NWD2: variants seen among roughly 807,000 people sequenced by gnomAD.
The protein encoded by NWD2 is NACHT and WD repeat domain containing 2, also known as NACHT and WD repeat domain-containing protein 2.
Under a neutral mutation model 132.7 loss-of-function variants are expected in NWD2, and 37 were observed. That is an observed-to-expected ratio of 0.28 (90% CI 0.21 to 0.37). The LOEUF is 0.37. NWD2 is among the 10% of genes least tolerant of loss of function. The pLI is 1.00. For missense variants in NWD2, 1,592 were observed against 2,122.4 expected (o/e 0.75, Z 4.91); for synonymous variants, 705 against 803.0 (o/e 0.88, Z 2.06).
intron 1 of NWD2, among the ~76,000 whole-genome samples, chr4:37,282,613 G>A (rs1312604973): frequency 6.6e-6 from 1 of 152,138 alleles, no homozygotes; most frequent in Non-Finnish European, 1.5e-5. Flanking sequence ...GTATTTATTT[G>A]ATGGGTATTT....
At chr4:37,381,353 A>G (rs1419186887) in intron 3 of NWD2, among the ~76,000 whole-genome samples, 1 of 152,234 alleles carries the variant, frequency 6.6e-6, no homozygotes, top group Non-Finnish European at 1.5e-5. Flanking sequence ...TCCTCCAAAT[A>G]GAAACACCTG....
chr4:37,251,672 T>C (rs1339834517), intron 1 of NWD2, among the ~76,000 whole-genome samples: 1 of 152,182 alleles, frequency 6.6e-6, no homozygotes, highest in Admixed American at 6.5e-5. Context: ...CTTATGCAGG[T>C]GCATCCCTTT....
intron 1 of NWD2, among the ~76,000 whole-genome samples, chr4:37,260,871 A>G (rs569608700): frequency 4.7e-4 from 72 of 152,354 alleles, no homozygotes; most frequent in African/African-American, 1.7e-3. Context: ...AGAATCCATT[A>G]TGTAGCCACA....
In NWD2 at chr4:37,448,522, G is replaced by C. The variant is rs939971640; in HGVS notation, c.*1305G>C. ...TAAAAGAAAACATTGCATCTCAAAAGGTGAAGATGATTGTTCTTTCTTCCA... is the reference window on the plus strand; with the variant it reads ...TAAAAGAAAACATTGCATCTCAAAACGTGAAGATGATTGTTCTTTCTTCCA... On this transcript the variant is annotated 3_prime_UTR_variant, in exon 7 of 7. Transcript: ENST00000309447. 6.6e-5 allele frequency: 10 copies of C among 152,126 alleles called. No individual in the cohort carries two copies. The highest frequency in any genetic ancestry group is 5.9e-4 in the Admixed American group (9 of 15,274). 9.4% of individuals were successfully genotyped at this position (152,126 alleles called of 1,614,324 possible). A position where few individuals can be genotyped will look rare whatever the true frequency, so the allele number is the denominator to read the frequency against.
At chr4:37,383,785 G>T (rs943021003) in intron 3 of NWD2, among the ~76,000 whole-genome samples, 1 of 152,126 alleles carries the variant, frequency 6.6e-6, no homozygotes, top group South Asian at 2.1e-4. Context: ...AACGTTTTTA[G>T]TAAGTTTGCA....
At chr4:37,274,503 C>T (rs1393207175) in intron 1 of NWD2, among the ~76,000 whole-genome samples, 3 of 152,260 alleles carry the variant, frequency 2.0e-5, no homozygotes, top group African/African-American at 7.2e-5. Context: ...ACCAGCGGTA[C>T]AAGAAGGAGC....
rs181257007 is a variant in NWD2 at position 37,412,840 on chromosome 4, A to G, written c.358-17732A>G. 7.9e-5 allele frequency among the ~76,000 whole-genome samples: 12 copies of G among 152,338 alleles called. No individual in the cohort carries two copies. In the East Asian group the frequency reaches 2.3e-3, roughly 29 times the overall value. ...GAAATAACACCACACATCTACAACC[A>G]TCTGATCTTTGACAATCCTGACACA... is the stretch of plus-strand genomic sequence containing the variant. On this transcript the variant is annotated intron_variant, in intron 3 of 6. Transcript: ENST00000309447.
intron 3 of NWD2, among the ~76,000 whole-genome samples, chr4:37,365,199 T>A (rs1720072408): frequency 6.6e-6 from 1 of 152,230 alleles, no homozygotes; most frequent in South Asian, 2.1e-4. Flanking sequence ...ATTTTTAAAA[T>A]CACTTAGCTT....
chr4:37,424,602 T>A (rs4464581), intron 3 of NWD2, among the ~76,000 whole-genome samples: 22,879 of 152,266 alleles, frequency 0.15, 2,192 homozygotes, highest in South Asian at 0.2. Context: ...TTAAAGAGTA[T>A]ATGCTTCAGC....
At chr4:37,250,912 C>G (rs146827513) in intron 1 of NWD2, among the ~76,000 whole-genome samples, 1 of 152,238 alleles carries the variant, frequency 6.6e-6, no homozygotes, top group Non-Finnish European at 1.5e-5. Flanking sequence ...TGTTATTGTA[C>G]TGAATACTGA....
At position 37,356,384 on chromosome 4, in the gene NWD2, G is replaced by A. The variant is rs2109300738; in HGVS notation, c.259G>A (p.Gly87Arg). 1 of 1,549,074 alleles carries A rather than the reference G, an allele frequency of 6.5e-7. No individual in the cohort carries two copies. The highest frequency in any genetic ancestry group is 2.0e-5 in the Admixed American group (1 of 50,998). The change falls in exon 3 of 7, where the codon GGA (glycine) becomes AGA (arginine). Residue 87 changes from glycine (G) to arginine (R), a missense_variant. Coordinates refer to ENST00000309447, the MANE Select transcript of NWD2 (RefSeq NM_001144990.2). ...TCCCCAGGTCATAGATCTGTACTGG[G>A]GAGTGGAAGAAGATGAGTGGGACAG... ...LEFQVIDLYWGVEEDEWDSPE... is the reference protein window; with the variant it reads ...LEFQVIDLYWRVEEDEWDSPE...
chr4:37,251,624 C>A (rs1717361807), intron 1 of NWD2, among the ~76,000 whole-genome samples: 1 of 152,186 alleles, frequency 6.6e-6, no homozygotes, highest in East Asian at 1.9e-4. Flanking sequence ...GCATGTTAGC[C>A]ACTATGACTC....
chr4:37,435,416 G>A (rs542344960), intron 5 of NWD2, among the ~76,000 whole-genome samples: 1 of 152,108 alleles, frequency 6.6e-6, no homozygotes, highest in African/African-American at 2.4e-5. Flanking sequence ...CTTATTTAAA[G>A]TCTTCCTGAA....
chr4:37,354,925 T>C (rs116203550), intron 2 of NWD2, among the ~76,000 whole-genome samples: 228 of 152,318 alleles, frequency 1.5e-3, no homozygotes, highest in African/African-American at 5.1e-3. Flanking sequence ...GCCTGTCCAT[T>C]ATTTAACAAA....
intron 1 of NWD2, among the ~76,000 whole-genome samples, chr4:37,293,483 T>G (rs1251952479): frequency 2.0e-5 from 3 of 152,210 alleles, no homozygotes; most frequent in Non-Finnish European, 4.4e-5. Context: ...TGGAAATTAT[T>G]TTATACCTAT....
intron 3 of NWD2, among the ~76,000 whole-genome samples, chr4:37,365,550 T>C (rs181738553): frequency 4.0e-4 from 61 of 152,306 alleles, no homozygotes; most frequent in Non-Finnish European, 7.2e-4. Flanking sequence ...GAGAAACAAA[T>C]ATTTCTTTAC....
chr4:37,397,720 G>A (rs565034682), intron 3 of NWD2, among the ~76,000 whole-genome samples: 2 of 152,064 alleles, frequency 1.3e-5, no homozygotes, highest in South Asian at 2.1e-4. Context: ...ATTGCTTGAC[G>A]AAGGAAATTT....
At position 37,447,218 on chromosome 4, in the gene NWD2, C is replaced by A. The variant is rs1036452732; in HGVS notation, c.*1C>A. The A allele has an allele frequency of 1.3e-6, 2 of 1,539,136 alleles. No homozygotes were observed. Among genetic ancestry groups the A allele is most frequent in the Admixed American group, 2.0e-5 (1 of 49,476 alleles). ...CCACAGCTATGCCCCTGATAACTGA[C>A]AAAATGTTTTCCAGCTAAGCAGAAA... On this transcript the variant is annotated 3_prime_UTR_variant, in exon 7 of 7. Coordinates refer to ENST00000309447, the MANE Select transcript of NWD2 (RefSeq NM_001144990.2).
At chr4:37,436,031 A>G (rs1030827861) in intron 5 of NWD2, among the ~76,000 whole-genome samples, 1 of 152,110 alleles carries the variant, frequency 6.6e-6, no homozygotes, top group Non-Finnish European at 1.5e-5. Context: ...TTCTAGTTTC[A>G]CCTTTTTAAA....
Sources: gnomAD v4.1 joint callset for allele counts (sites outside exome capture counted in the v4.1 genomes callset) on GRCh38, gnomAD v4.1.1 for gene constraint, MANE v1.5 for transcripts, NCBI Gene and HGNC (gene_info 2026-07-23, HGNC 2026-07-21) for gene names.